The following P4HB variants were observed in gnomAD, a reference collection of about 807,000 sequenced individuals.
P4HB encodes protein disulfide-isomerase.
P4HB carries 20 observed loss-of-function variants against 52.6 expected under a neutral mutation model. The ratio of observed to expected loss-of-function variants is 0.38; its 90% CI spans 0.27 to 0.55. The LOEUF (loss-of-function observed/expected upper bound fraction) is 0.55. Among genes scored for constraint, P4HB ranks in the 20% least tolerant of loss-of-function variants. P4HB has a pLI of 0.74. For synonymous variants in P4HB, 296 were observed against 277.9 expected, an observed-to-expected ratio of 1.07 and a Z score of -0.65; for missense variants, 601 against 669.2, an observed-to-expected ratio of 0.90 and a Z score of 1.12.
intron 2 of P4HB, among the ~76,000 whole-genome samples, chr17:81,857,615 C>T (rs1470041678): frequency 6.6e-6 from 1 of 152,224 alleles, no homozygotes; most frequent in African/African-American, 2.4e-5. Context: ...CCACCTGACT[C>T]CCGCGCCTCC....
intron 2 of P4HB, among the ~76,000 whole-genome samples, chr17:81,858,209 T>C (rs182574569): frequency 1.4e-5 from 2 of 139,600 alleles, no homozygotes; most frequent in African/African-American, 5.5e-5. Flanking sequence ...GAGGCAGAGG[T>C]TGCAGTGAGC....
rs1037417231 is a variant in P4HB, at chr17:81,860,530, G to A, written c.-59C>T. 5.7e-6 allele frequency: 7 copies of A among 1,226,796 alleles called. No individual in the cohort carries two copies. The highest frequency in any genetic ancestry group is 1.6e-5 in the African/African-American group (1 of 63,774). The allele number at this position is 1,226,796 out of a possible 1,614,324, so 76.0% of individuals were successfully genotyped here. ...GCGCCGCCGGGACAGCGGGGGCGAC[G>A]AGAGCGCGCGCCGGTCCCGGCCTCG... On this transcript the variant is annotated 5_prime_UTR_variant, in exon 1 of 11. Transcript: ENST00000331483.
rs1362198352 is a variant in P4HB at position 81,860,369 on chromosome 17, C to T, written c.103G>A (p.Ala35Thr). ...TACTTGTGGGCCGCCAGCGCCTCCG[C>T]GAAGTTGCTTTTCCGCAGCACCAGG... ...HVLVLRKSNF[A>T]EALAAHKYLL... Residue 35 changes from alanine to threonine, a missense_variant, in exon 1 of 11, where the codon GCG (alanine) becomes ACG (threonine). Coordinates refer to ENST00000331483, the MANE Select transcript of P4HB (RefSeq NM_000918.4). 2 of 1,473,598 alleles carry T rather than the reference C, an allele frequency of 1.4e-6. No individual in the cohort carries two copies. The highest frequency in any genetic ancestry group is 1.8e-6 in the Non-Finnish European group (2 of 1,111,708). 91.3% of individuals were successfully genotyped at this position (1,473,598 alleles called of 1,614,324 possible). A position where few individuals can be genotyped will look rare whatever the true frequency, so the allele number is the denominator to read the frequency against.
In P4HB at chr17:81,843,546, A is replaced by G. The variant is rs2038685525; in HGVS notation, c.*466T>C. On this transcript the variant is annotated 3_prime_UTR_variant, in exon 11 of 11. Coordinates refer to ENST00000331483, the MANE Select transcript of P4HB (RefSeq NM_000918.4). ...ACACTGCAGGCGGTACTGAGTGACCATGTCCAGTCCGGCTCCGTCCCTCCC... is the reference window on the plus strand; with the variant it reads ...ACACTGCAGGCGGTACTGAGTGACCGTGTCCAGTCCGGCTCCGTCCCTCCC... 1 of 421,900 alleles carries G rather than the reference A, an allele frequency of 2.4e-6. No individual in the cohort carries two copies. The highest frequency in any genetic ancestry group is 4.2e-6 in the Non-Finnish European group (1 of 239,690). The allele number at this position is 421,900 out of a possible 1,614,324, so 26.1% of individuals were successfully genotyped here.
chr17:81,845,024 G>A (rs2143313001), intron 10 of P4HB, 120 bp downstream of exon 10: 1 of 824,162 alleles, frequency 1.2e-6, no homozygotes, highest in Middle Eastern at 2.9e-4. Flanking sequence ...CAGAGCCCTG[G>A]ACGCACAGAC....
intron 4 of P4HB, among the ~76,000 whole-genome samples, chr17:81,851,296 T>C (rs1051738699): frequency 6.6e-6 from 1 of 152,244 alleles, no homozygotes; most frequent in East Asian, 1.9e-4. Flanking sequence ...GCCGTTTCCA[T>C]GTATGCGTCT....
At position 81,846,620 on chromosome 17, in the gene P4HB, T is replaced by G. The variant is rs1368060885; in HGVS notation, c.865A>C (p.Ile289Leu). The change falls in exon 7 of 11, where the codon ATC becomes CTC. Residue 289 changes from isoleucine (I) to leucine (L), a missense_variant. Transcript: ENST00000331483. This position sits in a 1 kb window ranked among gnomAD's most constrained non-coding sequence, Gnocchi z 5.7. ...TCGGTGTGGTCGCTGTCGATGAAGATGAACAGGATCTGGGGGAGAAAAGGA... is the reference window on the plus strand; with the variant it reads ...TCGGTGTGGTCGCTGTCGATGAAGAGGAACAGGATCTGGGGGAGAAAAGGA... Reference protein sequence around the residue: ...AESFKGKILFIFIDSDHTDNQ... With the variant: ...AESFKGKILFLFIDSDHTDNQ... 1.2e-6 allele frequency: 2 copies of G among 1,613,632 alleles called. No individual in the cohort carries two copies. The highest frequency in any genetic ancestry group is 1.7e-6 in the Non-Finnish European group (2 of 1,179,996).
In P4HB at chr17:81,843,305, G is replaced by A. The variant is rs566730591; in HGVS notation, c.*707C>T. ...GAGTCAAGGGTCGTGGTTCTGCCTTGAACAGGCCACAGGCCGTGCTGTAGA... is the reference window on the plus strand; with the variant it reads ...GAGTCAAGGGTCGTGGTTCTGCCTTAAACAGGCCACAGGCCGTGCTGTAGA... On this transcript the variant is annotated 3_prime_UTR_variant, in exon 11 of 11. Coordinates refer to ENST00000331483, the MANE Select transcript of P4HB (RefSeq NM_000918.4). The A allele has an allele frequency of 2.5e-6, 1 of 395,056 alleles. No homozygotes were observed. Among genetic ancestry groups the A allele is most frequent in the African/African-American group, 2.1e-5 (1 of 48,702 alleles). 24.5% of individuals were successfully genotyped at this position (395,056 alleles called of 1,614,324 possible). A position where few individuals can be genotyped will look rare whatever the true frequency, so the allele number is the denominator to read the frequency against.
At position 81,846,677 on chromosome 17, in the gene P4HB, T is replaced by C. The variant is rs890879931; in HGVS notation, c.856-48A>G. 3.0e-5 allele frequency: 47 copies of C among 1,558,042 alleles called. No individual in the cohort carries two copies. Among genetic ancestry groups the C allele is most frequent in the Non-Finnish European group, 3.8e-5 (43 of 1,135,140 alleles). ...ACAGGTGCGGGAGACGGCTGGCCTC[T>C]GCCTCCAGCCCTGACTTTGCTCGGA... On this transcript the variant is annotated intron_variant, in intron 6 of 10. Transcript: ENST00000331483. The surrounding 1 kb of genome is among the most constrained non-coding windows in gnomAD (Gnocchi z 5.7).
In P4HB at chr17:81,843,994, CGGGTCT is replaced by C. The variant is rs774068400; in HGVS notation, c.*12_*17del. The stretch of plus-strand genomic sequence containing the variant: ...GCCCCCGAGGGGTCTCGGCAGCGCC[CGGGTCT>C]GGCTTTGCGTATTACAGTTCATCTT... On this transcript the variant is annotated 3_prime_UTR_variant, in exon 11 of 11. Coordinates refer to ENST00000331483, the MANE Select transcript of P4HB (RefSeq NM_000918.4). 2 of 1,597,778 alleles carry C rather than the reference CGGGTCT, an allele frequency of 1.3e-6. No homozygotes were observed. Among genetic ancestry groups the C allele is most frequent in the Non-Finnish European group, 1.7e-6 (2 of 1,165,546 alleles).
intron 4 of P4HB, among the ~76,000 whole-genome samples, chr17:81,853,203 C>T (rs756183830): frequency 3.3e-5 from 5 of 152,156 alleles, no homozygotes; most frequent in South Asian, 2.1e-4. Context: ...CTGACCCACC[C>T]GCACCACCGC....
At chr17:81,850,673 G>C (rs1364803012) in intron 4 of P4HB, among the ~76,000 whole-genome samples, 2 of 148,736 alleles carry the variant, frequency 1.3e-5, no homozygotes, top group Non-Finnish European at 3.0e-5. Flanking sequence ...ATTAGAGATG[G>C]GGTTTCTCCA....
intron 4 of P4HB, chr17:81,847,905 C>CTTTTTTTTTTTTTTTTTTTTTTT (rs1193629056): frequency 8.1e-6 from 1 of 123,112 alleles, no homozygotes; most frequent in Non-Finnish European, 1.7e-5. Flanking sequence ...AGGTCTTGAT[C>CTTTTTTTTTTTTTTTTTTTTTTT]TTTTTTTTTT....
Position 81,846,061 on chromosome 17 carries a change from CCTGCCCGGGACTGAGGTGCGTGG to C in P4HB, c.1057-93_1057-71del. On this transcript the variant is annotated intron_variant, in intron 7 of 10. Transcript: ENST00000331483. This position sits in a 1 kb window ranked among gnomAD's most constrained non-coding sequence, Gnocchi z 5.7. Reference sequence around the variant, plus strand: ...GACCACAGAGCTCCCCAACCCTCACCCTGCCCGGGACTGAGGTGCGTGGCTGCCCTGGGCACACCAGGGTGGCA... The same window carrying C: ...GACCACAGAGCTCCCCAACCCTCACCCTGCCCTGGGCACACCAGGGTGGCA... 1 of 1,492,944 alleles carries C rather than the reference CCTGCCCGGGACTGAGGTGCGTGG, an allele frequency of 6.7e-7. No homozygotes were observed. Among genetic ancestry groups the C allele is most frequent in the Non-Finnish European group, 8.9e-7 (1 of 1,120,478 alleles). The allele number at this position is 1,492,944 out of a possible 1,614,324, so 92.5% of individuals were successfully genotyped here. A position where few individuals can be genotyped will look rare whatever the true frequency, so the allele number is the denominator to read the frequency against.
chr17:81,849,520 G>A (rs1439410170), intron 4 of P4HB, among the ~76,000 whole-genome samples: 1 of 151,128 alleles, frequency 6.6e-6, no homozygotes, highest in Non-Finnish European at 1.5e-5. Context: ...AAAATAAATA[G>A]AGAGAAAAAA....
chr17:81,847,604 C>G, intron 4 of P4HB: 1 of 535,902 alleles, frequency 1.9e-6, no homozygotes, highest in Non-Finnish European at 3.4e-6. Context: ...GCACGTGGTC[C>G]TCCAGCAACC....
intron 2 of P4HB, 121 bp downstream of exon 2, chr17:81,859,060 G>A (rs1265778604): frequency 1.9e-5 from 16 of 826,622 alleles, no homozygotes; most frequent in Admixed American, 6.4e-5. Flanking sequence ...CCTGAGGAAC[G>A]GGATCCCTCC....
At chr17:81,844,185 T>C in intron 10 of P4HB, 93 bp from the exon 11 acceptor site, 1 of 923,646 alleles carries the variant, frequency 1.1e-6, no homozygotes, top group Non-Finnish European at 1.8e-6. Context: ...CACCGGGGAC[T>C]AGCCGGCCAC....
intron 4 of P4HB, among the ~76,000 whole-genome samples, chr17:81,850,289 C>G (rs553688412): frequency 6.6e-6 from 1 of 151,894 alleles, no homozygotes; most frequent in African/African-American, 2.4e-5. Context: ...CGCGCCACCA[C>G]GCCTGGCTAA....
Sources: gnomAD v4.1 joint callset for allele counts (sites outside exome capture counted in the v4.1 genomes callset) on GRCh38, gnomAD v4.1.1 for gene constraint, Gnocchi (gnomAD v3.1) non-coding constraint, MANE v1.5 for transcripts, NCBI Gene and HGNC (gene_info 2026-07-23, HGNC 2026-07-21) for gene names.